Variants in DCC observed in about 807,000 individuals in gnomAD.
The protein encoded by DCC is netrin receptor DCC.
A neutral mutation model predicts 172.5 loss-of-function variants in DCC; 58 were observed. The observed-to-expected ratio is 0.34, with a 90% CI of 0.27 to 0.42. The LOEUF (loss-of-function observed/expected upper bound fraction) is 0.42, where lower values mean the gene tolerates loss of function less well. DCC is among the 10% of genes least tolerant of loss of function. The pLI is 1.00. For missense variants in DCC, 1,740 were observed against 1,791.0 expected, an observed-to-expected ratio of 0.97 and a Z score of 0.51; for synonymous variants, 709 against 644.5, an observed-to-expected ratio of 1.10 and a Z score of -1.52.
chr18:52,868,657 C>T (rs1248388922), intron 2 of DCC, among the ~76,000 whole-genome samples: 2 of 152,192 alleles, frequency 1.3e-5, no homozygotes, highest in Non-Finnish European at 2.9e-5. Flanking sequence ...GACTGTGAAG[C>T]TCTGTGGCCG....
intron 25 of DCC, among the ~76,000 whole-genome samples, chr18:53,469,603 C>T (rs1227657490): frequency 6.6e-6 from 1 of 152,130 alleles, no homozygotes; most frequent in Non-Finnish European, 1.5e-5. Flanking sequence ...GAAATCCCCT[C>T]TCACCCATTT....
Position 53,531,677 on chromosome 18 carries a change from G to T in DCC, c.*1024G>T, listed in dbSNP as rs1238517901. On this transcript the variant is annotated 3_prime_UTR_variant, in exon 29 of 29. Coordinates refer to ENST00000442544, the MANE Select transcript of DCC (RefSeq NM_005215.4). ...CCTGTCTTCTAATCCCGTAGAAATG[G>T]CAGACTCCCTGAGAGCAGGAAGAGA... 1 of 152,168 alleles carries T rather than the reference G, an allele frequency of 6.6e-6. No individual in the cohort carries two copies. Among genetic ancestry groups the T allele is most frequent in the Non-Finnish European group, 1.5e-5 (1 of 68,062 alleles). The allele number at this position is 152,168 out of a possible 1,614,324, so 9.4% of individuals were successfully genotyped here.
intron 11 of DCC, among the ~76,000 whole-genome samples, chr18:53,211,795 C>G (rs2055757569): frequency 6.6e-6 from 1 of 151,962 alleles, no homozygotes; most frequent in Non-Finnish European, 1.5e-5. Flanking sequence ...CACTTGTAAT[C>G]CCAGAACTTT....
chr18:52,555,959 A>C (rs76498114), intron 1 of DCC, among the ~76,000 whole-genome samples: 2,629 of 152,166 alleles, frequency 0.017, 30 homozygotes, highest in South Asian at 0.026. Flanking sequence ...TCATTGTGTG[A>C]ATGTTTGCTC....
At chr18:52,543,732 G>T (rs2032530972) in intron 1 of DCC, among the ~76,000 whole-genome samples, 1 of 152,068 alleles carries the variant, frequency 6.6e-6, no homozygotes, top group Non-Finnish European at 1.5e-5. Context: ...CCAAAAAGGT[G>T]CCCCTGACCC....
Position 52,642,003 on chromosome 18 carries a change from GGT to G in DCC, c.92-110040_92-110039del, listed in dbSNP as rs1261243389. On this transcript the variant is annotated intron_variant, in intron 1 of 28. Coordinates refer to ENST00000442544, the MANE Select transcript of DCC (RefSeq NM_005215.4). ...ATCAACAAGTGGATAAAGAAACTGTGGTGTGTGTGTGTATATATATATATATA... is the reference window on the plus strand; with the variant it reads ...ATCAACAAGTGGATAAAGAAACTGTGGTGTGTGTGTATATATATATATATA... Among the ~76,000 whole-genome samples, 234 of 91,052 alleles carry G rather than the reference GGT, an allele frequency of 2.6e-3. 1 individual carries two copies. The highest frequency in any genetic ancestry group is 2.6e-3 in the Non-Finnish European group (113 of 43,232). 59.7% of individuals were successfully genotyped at this position (91,052 alleles called of 152,430 possible).
intron 5 of DCC, among the ~76,000 whole-genome samples, chr18:53,028,063 A>AT (rs912360690): frequency 3.3e-5 from 5 of 152,152 alleles, no homozygotes; most frequent in Admixed American, 1.3e-4. Context: ...GCATATGGAC[A>AT]TTTTTATTAA....
chr18:52,528,804 A>G (rs1144065), intron 1 of DCC, among the ~76,000 whole-genome samples: 1 of 151,858 alleles, frequency 6.6e-6, no homozygotes, highest in African/African-American at 2.4e-5. Context: ...AAGTCTACAG[A>G]TGCTCAACTT....
At chr18:53,314,488 A>C (rs1408032236) in intron 13 of DCC, among the ~76,000 whole-genome samples, 1 of 152,196 alleles carries the variant, frequency 6.6e-6, no homozygotes, top group Non-Finnish European at 1.5e-5. Flanking sequence ...CTTTTCTAAA[A>C]AGCAAAACTT....
intron 27 of DCC, among the ~76,000 whole-genome samples, chr18:53,515,549 C>T (rs2144563336): frequency 6.9e-6 from 1 of 144,696 alleles, no homozygotes; most frequent in Non-Finnish European, 1.5e-5. Flanking sequence ...TCTAGAAAAC[C>T]CCATTGTCTC....
intron 12 of DCC, among the ~76,000 whole-genome samples, chr18:53,288,909 T>C (rs1407057432): frequency 1.3e-5 from 2 of 152,136 alleles, no homozygotes; most frequent in African/African-American, 2.4e-5. Flanking sequence ...GAGTCTGTGA[T>C]TTTTAATTGG....
chr18:53,407,574 CTA>C (rs1387738348), intron 19 of DCC, among the ~76,000 whole-genome samples: 1 of 136,866 alleles, frequency 7.3e-6, no homozygotes, highest in Non-Finnish European at 1.6e-5. Context: ...TACTCTCTCT[CTA>C]TATATATGTT....
In DCC at chr18:52,640,833, A is replaced by C. The variant is rs141450531; in HGVS notation, c.92-111221A>C. 5.5e-3 allele frequency among the ~76,000 whole-genome samples: 841 copies of C among 152,232 alleles called. 11 individuals are homozygous for C. The highest frequency in any genetic ancestry group is 0.019 in the African/African-American group (805 of 41,524). Reference sequence around the variant, plus strand: ...TCAATATAATCCCCATCAAAATACCACCATCATTCTTCATAGAATTAGAAA... The same window carrying C: ...TCAATATAATCCCCATCAAAATACCCCCATCATTCTTCATAGAATTAGAAA... On this transcript the variant is annotated intron_variant, in intron 1 of 28. Coordinates refer to ENST00000442544, the MANE Select transcript of DCC (RefSeq NM_005215.4).
chr18:52,713,645 T>C (rs1050420946), intron 1 of DCC, among the ~76,000 whole-genome samples: 1 of 152,188 alleles, frequency 6.6e-6, no homozygotes, highest in African/African-American at 2.4e-5. Context: ...ATTTTTATTG[T>C]GTTCAGCCCA....
intron 5 of DCC, among the ~76,000 whole-genome samples, chr18:53,036,104 T>C (rs1194547945): frequency 6.6e-6 from 1 of 151,956 alleles, no homozygotes; most frequent in Non-Finnish European, 1.5e-5. Flanking sequence ...TTCTTTCAGA[T>C]TTATATTATA....
chr18:52,935,104 A>G (rs2040362815), intron 5 of DCC, among the ~76,000 whole-genome samples: 1 of 152,164 alleles, frequency 6.6e-6, no homozygotes, highest in African/African-American at 2.4e-5. Context: ...GTGAGCAACA[A>G]TGAAGACTTA....
At chr18:53,008,268 G>A (rs577509182) in intron 5 of DCC, among the ~76,000 whole-genome samples, 4 of 151,982 alleles carry the variant, frequency 2.6e-5, no homozygotes, top group East Asian at 3.9e-4. Context: ...GTTATTTCGC[G>A]GACTTGTGGA....
At chr18:52,650,141 G>T (rs1343032411) in intron 1 of DCC, among the ~76,000 whole-genome samples, 1 of 151,848 alleles carries the variant, frequency 6.6e-6, no homozygotes, top group Non-Finnish European at 1.5e-5. Flanking sequence ...ACCACGCCTC[G>T]CTAATTTTTG....
In DCC at chr18:53,260,275, C is replaced by G. The variant is rs1006010330; in HGVS notation, c.1911+44678C>G. Among the ~76,000 whole-genome samples the G allele has an allele frequency of 4.6e-5, 7 of 152,104 alleles. No individual in the cohort carries two copies. In the East Asian group the frequency reaches 5.8e-4, roughly 13 times the overall value. On this transcript the variant is annotated intron_variant, in intron 12 of 28. Coordinates refer to ENST00000442544, the MANE Select transcript of DCC (RefSeq NM_005215.4). Reference sequence around the variant, plus strand: ...CTGCATTCCTTTAGAGGAGGAGAGGCGTTCTGATTTTTAGAGTTTCCAGTT... The same window carrying G: ...CTGCATTCCTTTAGAGGAGGAGAGGGGTTCTGATTTTTAGAGTTTCCAGTT...
Sources: gnomAD v4.1 joint callset for allele counts (sites outside exome capture counted in the v4.1 genomes callset) on GRCh38, gnomAD v4.1.1 for gene constraint, MANE v1.5 for transcripts, NCBI Gene and HGNC (gene_info 2026-07-23, HGNC 2026-07-21) for gene names.